Variants in UBR3 observed in about 807,000 individuals in gnomAD.
UBR3 encodes the protein E3 ubiquitin-protein ligase UBR3.
UBR3 carries 85 observed loss-of-function variants against 243.2 expected under a neutral mutation model. The ratio of observed to expected loss-of-function variants is 0.35; its 90% CI spans 0.29 to 0.42. The LOEUF (loss-of-function observed/expected upper bound fraction) is 0.42, where lower values mean the gene tolerates loss of function less well. Ranked by LOEUF, UBR3 falls within the 10% of genes least tolerant of loss-of-function variation. The pLI, the probability that UBR3 is intolerant of heterozygous loss-of-function variation, is 1.00. For missense variants in UBR3, 1,686 were observed against 2,300.8 expected (o/e 0.73, Z 5.47); for synonymous variants, 748 against 799.8 (o/e 0.94, Z 1.09).
chr2:169,967,070 A>G (rs887143585), intron 24 of UBR3, among the ~76,000 whole-genome samples: 2 of 152,186 alleles, frequency 1.3e-5, no homozygotes, highest in Admixed American at 1.3e-4. Context: ...TGACACATCC[A>G]TGAGATAGGT....
In UBR3 at chr2:170,083,301, A is replaced by G. The variant is rs561507124; in HGVS notation, c.*1458A>G. The G allele has an allele frequency of 3.3e-5, 5 of 152,616 alleles. No homozygotes were observed. Among genetic ancestry groups the G allele is most frequent in the Non-Finnish European group, 7.4e-5 (5 of 67,998 alleles). 9.5% of individuals were successfully genotyped at this position (152,616 alleles called of 1,614,324 possible). A position where few individuals can be genotyped will look rare whatever the true frequency, so the allele number is the denominator to read the frequency against. ...GGAAAGCAGAGCAGTACATATTCAA[A>G]TGTATTCAGAAAGTCAAAAGATTAC... On this transcript the variant is annotated 3_prime_UTR_variant, in exon 39 of 39. Coordinates refer to ENST00000272793, the MANE Select transcript of UBR3 (RefSeq NM_172070.4).
intron 27 of UBR3, among the ~76,000 whole-genome samples, chr2:170,002,922 T>G (rs1229702815): frequency 1.3e-5 from 2 of 152,138 alleles, no homozygotes; most frequent in African/African-American, 4.8e-5. Flanking sequence ...GGCTCGATCA[T>G]AGCTCACTGA....
intron 31 of UBR3, among the ~76,000 whole-genome samples, chr2:170,037,646 C>G (rs1326118489): frequency 2.0e-5 from 3 of 152,080 alleles, no homozygotes; most frequent in Non-Finnish European, 4.4e-5. Flanking sequence ...CCTTGGCCTC[C>G]CTAAGTGTTG....
chr2:170,080,267 T>A, intron 37 of UBR3: 1 of 567,706 alleles, frequency 1.8e-6, no homozygotes, highest in Non-Finnish European at 3.0e-6. Flanking sequence ...TAATGGTATG[T>A]ACTTTGGAAT....
At chr2:170,018,522 T>G (rs1391327944) in intron 30 of UBR3, among the ~76,000 whole-genome samples, 3 of 152,180 alleles carry the variant, frequency 2.0e-5, no homozygotes, top group Admixed American at 2.0e-4. Context: ...CTGGTTCTCA[T>G]CTGCTGGACT....
chr2:170,040,785 TTTTA>T (rs2090948104), intron 31 of UBR3, 93 bp from the exon 32 acceptor site: 2 of 1,008,746 alleles, frequency 2.0e-6, no homozygotes, highest in Non-Finnish European at 2.8e-6. Flanking sequence ...GTATTAAAGT[TTTTA>T]TTTCTGTTCC....
chr2:169,847,118 TGTGTGTGC>T (rs770156595), intron 1 of UBR3, among the ~76,000 whole-genome samples: 11,197 of 58,460 alleles, frequency 0.19, 507 homozygotes, highest in South Asian at 0.32. Context: ...TGTGTGTGTG[TGTGTGTGC>T]GCTGGCAGTT....
intron 27 of UBR3, among the ~76,000 whole-genome samples, chr2:170,004,224 A>G (rs983008095): frequency 6.6e-6 from 1 of 152,134 alleles, no homozygotes; most frequent in African/African-American, 2.4e-5. Context: ...TGGAGAGGAG[A>G]ATATAGATTT....
In UBR3 at chr2:169,914,155, A is replaced by G. The variant is rs1574188572; in HGVS notation, c.1866+9A>G. 6.9e-7 allele frequency: 1 copy of G among 1,459,676 alleles called. No individual in the cohort carries two copies. The highest frequency in any genetic ancestry group is 9.1e-7 in the Non-Finnish European group (1 of 1,097,528). The allele number at this position is 1,459,676 out of a possible 1,614,324, so 90.4% of individuals were successfully genotyped here. A position where few individuals can be genotyped will look rare whatever the true frequency, so the allele number is the denominator to read the frequency against. Reference sequence around the variant, plus strand: ...TTAACTTCGTAGACGAGGTATGTATATTTTTGATGTATGTAAATTTTTTGA... The same window carrying G: ...TTAACTTCGTAGACGAGGTATGTATGTTTTTGATGTATGTAAATTTTTTGA... On this transcript the variant is annotated intron_variant, in intron 11 of 38. Transcript: ENST00000272793.
intron 30 of UBR3, among the ~76,000 whole-genome samples, chr2:170,022,234 C>T (rs559969774): frequency 6.6e-6 from 1 of 151,682 alleles, no homozygotes; most frequent in African/African-American, 2.4e-5. Flanking sequence ...TTTGGTGAAG[C>T]TAATAATAAT....
At chr2:170,049,587 A>G (rs371311066) in intron 32 of UBR3, among the ~76,000 whole-genome samples, 10 of 152,286 alleles carry the variant, frequency 6.6e-5, no homozygotes, top group African/African-American at 2.4e-4. Context: ...TGTTTTTAAG[A>G]TAGGAGAATT....
intron 1 of UBR3, among the ~76,000 whole-genome samples, chr2:169,845,545 C>A (rs1559012540): frequency 7.1e-6 from 1 of 140,044 alleles, no homozygotes; most frequent in African/African-American, 2.6e-5. Context: ...TCTTCTTCTT[C>A]TTCTTCTTTC....
rs73972646 is a variant in UBR3, at chr2:169,894,568, C to G, written c.1106-613C>G. On this transcript the variant is annotated intron_variant, in intron 6 of 38. Coordinates refer to ENST00000272793, the MANE Select transcript of UBR3 (RefSeq NM_172070.4). ...ATATCTAATAAGGACTGATTCAAGC[C>G]TTAGTAAATGCAGTGTTTTGTAAAG... 9.7e-3 allele frequency among the ~76,000 whole-genome samples: 1,480 copies of G among 152,090 alleles called. 18 individuals are homozygous for G. The highest frequency in any genetic ancestry group is 0.034 in the African/African-American group (1,401 of 41,488).
intron 1 of UBR3, among the ~76,000 whole-genome samples, chr2:169,856,958 C>CT (rs778498060): frequency 4.2e-5 from 6 of 142,486 alleles, no homozygotes; most frequent in African/African-American, 1.0e-4. Context: ...AGTTTTCTTT[C>CT]TTTTTTGGCC....
chr2:169,934,833 A>T (rs564935125), intron 19 of UBR3, among the ~76,000 whole-genome samples: 7 of 152,322 alleles, frequency 4.6e-5, no homozygotes, highest in Non-Finnish European at 1.0e-4. Context: ...GCTTTATGTG[A>T]TGCTTAGATG....
intron 2 of UBR3, among the ~76,000 whole-genome samples, chr2:169,874,353 A>G (rs934293599): frequency 6.6e-5 from 10 of 151,988 alleles, no homozygotes; most frequent in Non-Finnish European, 1.2e-4. Context: ...TATTTTTAGT[A>G]GAGATGGAGT....
intron 1 of UBR3, among the ~76,000 whole-genome samples, chr2:169,829,386 A>C (rs932035930): frequency 6.6e-6 from 1 of 151,954 alleles, no homozygotes; most frequent in African/African-American, 2.4e-5. Flanking sequence ...TGAATTTGCT[A>C]ATAATAATAA....
At chr2:169,891,613 G>GACACACACAC (rs3082964) in intron 6 of UBR3, among the ~76,000 whole-genome samples, 7,348 of 148,820 alleles carry the variant, frequency 0.049, 317 homozygotes, top group African/African-American at 0.12. Context: ...GAGAGACAGA[G>GACACACACAC]ACACACACAC....
At chr2:170,026,187 G>A (rs373739661) in intron 30 of UBR3, among the ~76,000 whole-genome samples, 5 of 152,068 alleles carry the variant, frequency 3.3e-5, no homozygotes, top group African/African-American at 1.2e-4. Flanking sequence ...AGCCAGGAGA[G>A]AGTGGTACCA....
Sources: gnomAD v4.1 joint callset for allele counts (sites outside exome capture counted in the v4.1 genomes callset) on GRCh38, gnomAD v4.1.1 for gene constraint, MANE v1.5 for transcripts, NCBI Gene and HGNC (gene_info 2026-07-23, HGNC 2026-07-21) for gene names.